The following SNX19 variants were observed in gnomAD, a reference collection of about 807,000 sequenced individuals.
The protein encoded by SNX19 is sorting nexin 19.
Under a neutral mutation model 85.2 loss-of-function variants are expected in SNX19, and 60 were observed. The observed-to-expected ratio is 0.70, with a 90% CI of 0.57 to 0.87. The LOEUF (loss-of-function observed/expected upper bound fraction) is 0.87, where lower values mean the gene tolerates loss of function less well. Ranked by LOEUF, SNX19 falls within the 40% of genes least tolerant of loss-of-function variation. SNX19 has a pLI of 0.00. For synonymous variants in SNX19, 520 were observed against 470.0 expected (o/e 1.11, Z -1.38); for missense variants, 1,201 against 1,217.8 (o/e 0.99, Z 0.21).
Position 130,915,364 on chromosome 11 carries a change from G to C in SNX19, c.576C>G (p.Tyr192Ter). 6.2e-7 allele frequency: 1 copy of C among 1,614,178 alleles called. No homozygotes were observed. Among genetic ancestry groups the C allele is most frequent in the South Asian group, 1.1e-5 (1 of 91,086 alleles). Residue 192 changes from tyrosine to a stop codon, truncating the protein, a stop_gained, in exon 1 of 11, where the codon TAC (tyrosine) becomes TAG (stop). Transcript: ENST00000265909. LOFTEE classifies it high-confidence loss of function. ...PVEPSHLWEA[Y>*]CRATAPHPAV... Reference sequence around the variant, plus strand: ...CAGGATGTGGGGCAGTCGCCCGGCAGTAAGCCTCCCAGAGGTGGGAAGGCT... The same window carrying C: ...CAGGATGTGGGGCAGTCGCCCGGCACTAAGCCTCCCAGAGGTGGGAAGGCT...
intron 2 of SNX19, among the ~76,000 whole-genome samples, chr11:130,911,146 G>A (rs1220948722): frequency 6.7e-6 from 1 of 148,660 alleles, no homozygotes; most frequent in East Asian, 2.0e-4. Context: ...AGTGAGCCGA[G>A]ATTGCACCAT....
intron 8 of SNX19, among the ~76,000 whole-genome samples, chr11:130,885,485 A>C (rs1052870918): frequency 1.3e-5 from 2 of 152,224 alleles, no homozygotes; most frequent in Non-Finnish European, 2.9e-5. Flanking sequence ...GGCTTTAGAG[A>C]CCATGTCTAA....
At chr11:130,884,770 G>T (rs1057383576) in intron 8 of SNX19, among the ~76,000 whole-genome samples, 1 of 151,342 alleles carries the variant, frequency 6.6e-6, no homozygotes, top group African/African-American at 2.4e-5. Context: ...ACTCGGGGAG[G>T]CTGAGGCAGG....
At chr11:130,903,716 T>TACACACACACACACACACAC (rs35654790) in intron 7 of SNX19, among the ~76,000 whole-genome samples, 1 of 143,332 alleles carries the variant, frequency 7.0e-6, no homozygotes, top group Non-Finnish European at 1.5e-5. Context: ...TATATACACA[T>TACACACACACACACACACAC]ACACACACAC....
At chr11:130,895,371 G>T (rs1282981774) in intron 8 of SNX19, among the ~76,000 whole-genome samples, 2 of 152,228 alleles carry the variant, frequency 1.3e-5, no homozygotes, top group Admixed American at 6.5e-5. Flanking sequence ...ATAGTGATAA[G>T]CAGAGGGACT....
Position 130,872,275 on chromosome 11 carries a change from G to C in SNX19, c.*6147C>G, listed in dbSNP as rs1230247840. 6.6e-6 allele frequency among the ~76,000 whole-genome samples: 1 copy of C among 152,132 alleles called. No individual in the cohort carries two copies. Among genetic ancestry groups the C allele is most frequent in the Non-Finnish European group, 1.5e-5 (1 of 68,028 alleles). ...AGGATGACAGGGAGGCAGTGCAAAGGCTCCGCAAGTCTGAAAATAGCATAG... is the reference window on the plus strand; with the variant it reads ...AGGATGACAGGGAGGCAGTGCAAAGCCTCCGCAAGTCTGAAAATAGCATAG... On this transcript the variant is annotated 3_prime_UTR_variant, in exon 11 of 11. Coordinates refer to ENST00000265909, the MANE Select transcript of SNX19 (RefSeq NM_014758.3).
At chr11:130,902,125 C>CAAATCTGGTT (rs1945297801) in intron 8 of SNX19, among the ~76,000 whole-genome samples, 2 of 152,180 alleles carry the variant, frequency 1.3e-5, no homozygotes, top group South Asian at 4.1e-4. Context: ...TCTAAGTGTG[C>CAAATCTGGTT]TACTAATGAC....
rs935488788 is a variant in SNX19, at chr11:130,878,180, C to G, written c.*242G>C. On this transcript the variant is annotated 3_prime_UTR_variant, in exon 11 of 11. Transcript: ENST00000265909. ...CTTCTTTTCCCAAAGGAAACAGGAT[C>G]TACTCACCAGCAACAATCCCAACAT... 4 of 355,750 alleles carry G rather than the reference C, an allele frequency of 1.1e-5. No homozygotes were observed. Among genetic ancestry groups the G allele is most frequent in the African/African-American group, 6.1e-5 (3 of 49,180 alleles). 22.0% of individuals were successfully genotyped at this position (355,750 alleles called of 1,614,324 possible).
At chr11:130,881,638 T>C (rs1943686382) in intron 8 of SNX19, among the ~76,000 whole-genome samples, 1 of 152,238 alleles carries the variant, frequency 6.6e-6, no homozygotes, top group Non-Finnish European at 1.5e-5. Context: ...TTCCTACATC[T>C]GCCCTTTGTT....
At chr11:130,913,886 T>C (rs1946335869) in intron 1 of SNX19, among the ~76,000 whole-genome samples, 1 of 134,874 alleles carries the variant, frequency 7.4e-6, no homozygotes, top group East Asian at 2.2e-4. Flanking sequence ...ATCTGGAGAG[T>C]TCTATTTGAA....
chr11:130,879,644 T>C lies in SNX19; in HGVS notation c.2826A>G (p.Leu942=), dbSNP rs773219751. The change falls in exon 10 of 11, where the codon CTA becomes CTG. Residue 942 remains leucine (L), a synonymous_variant. Transcript: ENST00000265909. ...RLSWGLVLES[L]QQPLINRHLI... ...CTTACCTGTTGATGAGGGGTTGTTG[T>C]AGTGACTCCAGGACTAGACCCCAGC... 10 of 1,613,832 alleles carry C rather than the reference T, an allele frequency of 6.2e-6. No individual in the cohort carries two copies. Among genetic ancestry groups the C allele is most frequent in the East Asian group, 2.2e-5 (1 of 44,878 alleles).
intron 8 of SNX19, among the ~76,000 whole-genome samples, chr11:130,887,382 G>A (rs1370481211): frequency 1.8e-4 from 27 of 152,144 alleles, no homozygotes; most frequent in Admixed American, 1.8e-3. Flanking sequence ...TGGCTTATAA[G>A]AACATACAAC....
chr11:130,915,108 G>C lies in SNX19; in HGVS notation c.832C>G (p.Pro278Ala). ...FSKARDPAPC[P>A]ASAPEQPSVP... Reference sequence around the variant, plus strand: ...GAGGGCTGTTCGGGGGCACTGGCTGGGCAGGGTGCTGGATCTCTGGCCTTG... The same window carrying C: ...GAGGGCTGTTCGGGGGCACTGGCTGCGCAGGGTGCTGGATCTCTGGCCTTG... Residue 278 changes from proline to alanine, a missense_variant, in exon 1 of 11, where the codon CCA becomes GCA. Coordinates refer to ENST00000265909, the MANE Select transcript of SNX19 (RefSeq NM_014758.3). The C allele has an allele frequency of 6.2e-7, 1 of 1,613,892 alleles. No homozygotes were observed. Among genetic ancestry groups the C allele is most frequent in the African/African-American group, 1.3e-5 (1 of 75,030 alleles).
intron 8 of SNX19, among the ~76,000 whole-genome samples, chr11:130,896,964 T>A (rs1944917474): frequency 6.6e-6 from 1 of 151,394 alleles, no homozygotes; most frequent in Admixed American, 6.6e-5. Flanking sequence ...TCTGGAGCGT[T>A]CTAAGAGAAC....
chr11:130,906,930 G>A (rs1242214540), intron 5 of SNX19, among the ~76,000 whole-genome samples: 1 of 152,178 alleles, frequency 6.6e-6, no homozygotes, highest in African/African-American at 2.4e-5. Context: ...TAATGTTAAC[G>A]CATACACTAA....
chr11:130,906,270 G>T, intron 6 of SNX19, 137 bp from the exon 7 acceptor site: 3 of 871,358 alleles, frequency 3.4e-6, no homozygotes, highest in Non-Finnish European at 5.2e-6. Flanking sequence ...ACTCCTTTAG[G>T]AAAGATTTTA....
At chr11:130,894,704 A>G in intron 8 of SNX19, 1 of 985,458 alleles carries the variant, frequency 1.0e-6, no homozygotes, top group Non-Finnish European at 1.2e-6. Context: ...CACATTCAGA[A>G]AGAAGCTGGC....
chr11:130,868,623 G>C lies in SNX19; in HGVS notation c.*9799C>G, dbSNP rs1555119543. The stretch of plus-strand genomic sequence containing the variant: ...TGGAAGCTGCTACGCTATGAAACTT[G>C]CTCAGGACACCCTTTTTCTCAGTTT... On this transcript the variant is annotated 3_prime_UTR_variant, in exon 11 of 11. Coordinates refer to ENST00000265909, the MANE Select transcript of SNX19 (RefSeq NM_014758.3). 6.6e-6 allele frequency: 1 copy of C among 152,132 alleles called. No individual in the cohort carries two copies. The highest frequency in any genetic ancestry group is 1.5e-5 in the Non-Finnish European group (1 of 68,068). 9.4% of individuals were successfully genotyped at this position (152,132 alleles called of 1,614,324 possible).
intron 8 of SNX19, among the ~76,000 whole-genome samples, chr11:130,884,543 C>G (rs1943908263): frequency 6.6e-6 from 1 of 152,106 alleles, no homozygotes. Context: ...GGTCAACACA[C>G]ACACACGTTT....
Sources: gnomAD v4.1 joint callset for allele counts (sites outside exome capture counted in the v4.1 genomes callset) on GRCh38, gnomAD v4.1.1 for gene constraint, MANE v1.5 for transcripts, NCBI Gene and HGNC (gene_info 2026-07-23, HGNC 2026-07-21) for gene names.